The following NUMBL variants were observed in gnomAD, a reference collection of about 807,000 sequenced individuals.
NUMBL encodes the protein numb-like protein.
A neutral mutation model predicts 48.9 loss-of-function variants in NUMBL; 20 were observed. That is an observed-to-expected ratio of 0.41 (90% CI 0.29 to 0.59). NUMBL has a LOEUF of 0.59. NUMBL is among the 20% of genes least tolerant of loss of function. NUMBL has a pLI of 0.31. For missense variants in NUMBL, 660 were observed against 846.2 expected (o/e 0.78, Z 2.73); for synonymous variants, 340 against 348.7 (o/e 0.98, Z 0.28).
intron 7 of NUMBL, among the ~76,000 whole-genome samples, chr19:40,675,018 C>A (rs770490178): frequency 1.3e-5 from 2 of 151,928 alleles, no homozygotes; most frequent in Non-Finnish European, 2.9e-5. Flanking sequence ...TGGCACACGC[C>A]TGGGATTCCA....
At chr19:40,669,170 C>T (rs904512671) in intron 9 of NUMBL, among the ~76,000 whole-genome samples, 11 of 151,976 alleles carry the variant, frequency 7.2e-5, no homozygotes, top group East Asian at 1.9e-4. Context: ...GGTAATCCCA[C>T]GGCTCTAAGA....
chr19:40,674,250 C>T (rs1267840981), intron 7 of NUMBL, among the ~76,000 whole-genome samples: 2 of 152,172 alleles, frequency 1.3e-5, no homozygotes, highest in African/African-American at 2.4e-5. Flanking sequence ...GTCTGTTCCC[C>T]TCTGTCTCCC....
In NUMBL at chr19:40,667,613, CA is replaced by C; in HGVS notation, c.1684del (p.Trp562GlyfsTer23). ...QARPRPNGAP[W>X]PPEPAPAPAP... is the part of the protein sequence containing the mutation. ...TGGGGCAGGCGCTGGCTCAGGGGGC[CA>C]GGGGGCCCCATTGGGGCGAGGGCGG... On this transcript the variant is annotated frameshift_variant, in exon 10 of 10. Coordinates refer to ENST00000252891, the MANE Select transcript of NUMBL (RefSeq NM_004756.5). LOFTEE classifies it high-confidence loss of function. This position sits in a 1 kb window ranked among gnomAD's most constrained non-coding sequence, Gnocchi z 6.1. 6.4e-7 allele frequency: 1 copy of C among 1,554,592 alleles called. No homozygotes were observed. Among genetic ancestry groups the C allele is most frequent in the Non-Finnish European group, 8.7e-7 (1 of 1,149,234 alleles).
At chr19:40,668,680 G>A (rs1296970007) in intron 9 of NUMBL, among the ~76,000 whole-genome samples, 1 of 152,000 alleles carries the variant, frequency 6.6e-6, no homozygotes, top group African/African-American at 2.4e-5. Flanking sequence ...GGCTGGACTC[G>A]AACTCCTACC....
At chr19:40,669,392 T>C (rs1188621297) in intron 9 of NUMBL, among the ~76,000 whole-genome samples, 1 of 151,984 alleles carries the variant, frequency 6.6e-6, no homozygotes, top group Non-Finnish European at 1.5e-5. Flanking sequence ...AGATGATCCA[T>C]GGTTCTAGGA....
At chr19:40,672,865 G>A (rs981881434) in intron 8 of NUMBL, among the ~76,000 whole-genome samples, 11 of 152,054 alleles carry the variant, frequency 7.2e-5, no homozygotes, top group Non-Finnish European at 1.6e-4. Context: ...CCTTCACCTA[G>A]CCAGATCTCA....
At position 40,673,692 on chromosome 19, in the gene NUMBL, G is replaced by A. The variant is rs892202131; in HGVS notation, c.731-43C>T. On this transcript the variant is annotated intron_variant, in intron 7 of 9. Coordinates refer to ENST00000252891, the MANE Select transcript of NUMBL (RefSeq NM_004756.5). The surrounding 1 kb of genome is among the most constrained non-coding windows in gnomAD (Gnocchi z 5.9). Reference sequence around the variant, plus strand: ...ATGGATGGTTAGATATCTCACCATGGCATGCAAGGCCTCTCCCACCTGGTT... The same window carrying A: ...ATGGATGGTTAGATATCTCACCATGACATGCAAGGCCTCTCCCACCTGGTT... 7.0e-7 allele frequency: 1 copy of A among 1,433,700 alleles called. No individual in the cohort carries two copies. Among genetic ancestry groups the A allele is most frequent in the African/African-American group, 1.4e-5 (1 of 69,460 alleles). 88.8% of individuals were successfully genotyped at this position (1,433,700 alleles called of 1,614,324 possible).
At chr19:40,672,401 C>T (rs988749289) in intron 8 of NUMBL, among the ~76,000 whole-genome samples, 2 of 148,826 alleles carry the variant, frequency 1.3e-5, no homozygotes, top group African/African-American at 4.9e-5. Flanking sequence ...TATATCTCCT[C>T]TCTCTTACCA....
chr19:40,684,386 C>T, intron 3 of NUMBL, 31 bp downstream of exon 3: 3 of 1,536,120 alleles, frequency 2.0e-6, no homozygotes, highest in Non-Finnish European at 2.6e-6. Flanking sequence ...CCGTCCCCCT[C>T]GCCCCGCCGC....
chr19:40,684,656 C>G (rs12984927), intron 2 of NUMBL, 100 bp from the exon 3 acceptor site: 177,128 of 1,444,446 alleles, frequency 0.12, 11,709 homozygotes, highest in Middle Eastern at 0.17. Context: ...GGTCAGATAA[C>G]AAGATAACTG....
Position 40,677,343 on chromosome 19 carries a change from C to G in NUMBL, c.619G>C (p.Gly207Arg). 2.5e-6 allele frequency: 4 copies of G among 1,612,346 alleles called. No homozygotes were observed. Among genetic ancestry groups the G allele is most frequent in the Non-Finnish European group, 3.4e-6 (4 of 1,179,922 alleles). Reference sequence around the variant, plus strand: ...CTGGCATCGAAGGCGGCCGTGACCCCACATTCCTTCTCCCGTCGCTGTTTT... The same window carrying G: ...CTGGCATCGAAGGCGGCCGTGACCCGACATTCCTTCTCCCGTCGCTGTTTT... Reference protein sequence around the residue: ...ERKQRREKECGVTAAFDASRT... With the variant: ...ERKQRREKECRVTAAFDASRT... Residue 207 changes from glycine to arginine, a missense_variant, in exon 7 of 10, where the codon GGG becomes CGG. By Grantham distance (125) the Gly-to-Arg change is moderately radical. Around this residue, in one of 3 missense-constraint regions of NUMBL, gnomAD observed 278 missense variants for 420.6 expected, o/e 0.66. Coordinates refer to ENST00000252891, the MANE Select transcript of NUMBL (RefSeq NM_004756.5).
intron 3 of NUMBL, 36 bp downstream of exon 3, chr19:40,684,381 C>T: frequency 6.5e-7 from 1 of 1,534,296 alleles, no homozygotes; most frequent in Non-Finnish European, 8.7e-7. Context: ...GGCCCCCGTC[C>T]CCCTCGCCCC....
chr19:40,684,821 G>A (rs3815912), intron 2 of NUMBL: 61,431 of 436,338 alleles, frequency 0.14, 5,832 homozygotes, highest in African/African-American at 0.3. Flanking sequence ...GGTCTGGGGT[G>A]GGGGGTATGG....
At chr19:40,684,342 G>C (rs908723422) in intron 3 of NUMBL, 75 bp downstream of exon 3, 41 of 1,459,248 alleles carry the variant, frequency 2.8e-5, no homozygotes, top group Non-Finnish European at 3.6e-6. Context: ...GTCCCAGCCA[G>C]GCCGCGCACC....
At chr19:40,686,788 G>A in intron 2 of NUMBL, 123 bp downstream of exon 2, 2 of 671,574 alleles carry the variant, frequency 3.0e-6, no homozygotes, top group South Asian at 1.8e-5. Flanking sequence ...TGAGGAAGAT[G>A]CCTGAGGGTG....
rs536916726 is a variant in NUMBL at position 40,668,105 on chromosome 19, G to T, written c.1193C>A (p.Pro398His). 321 of 1,603,980 alleles carry T rather than the reference G, an allele frequency of 2.0e-4. 1 individual carries two copies. Among genetic ancestry groups the T allele is most frequent in the Non-Finnish European group, 2.2e-4 (255 of 1,175,804 alleles). The change falls in exon 10 of 10, where the codon CCT (proline) becomes CAT (histidine). Residue 398 changes from proline to histidine, a missense_variant. By Grantham distance (77) the Pro-to-His change is moderately conservative. Around this residue, in one of 3 missense-constraint regions of NUMBL, gnomAD observed 296 missense variants for 339.7 expected, o/e 0.87. Coordinates refer to ENST00000252891, the MANE Select transcript of NUMBL (RefSeq NM_004756.5). ...TSAWGEPSVP[P>H]AAAFQPGHKR... is the part of the protein sequence containing the mutation. Reference sequence around the variant, plus strand: ...GTGCCCAGGCTGGAAGGCAGCTGCAGGGGGCACGGAGGGCTCACCCCAGGC... The same window carrying T: ...GTGCCCAGGCTGGAAGGCAGCTGCATGGGGCACGGAGGGCTCACCCCAGGC...
chr19:40,684,373 C>T (rs763116835), intron 3 of NUMBL, 44 bp downstream of exon 3: 18 of 1,527,098 alleles, frequency 1.2e-5, no homozygotes, highest in East Asian at 2.5e-5. Flanking sequence ...AGCACAGCGG[C>T]CCCCGTCCCC....
chr19:40,677,217 T>C lies in NUMBL; in HGVS notation c.730+15A>G, dbSNP rs2144656756. 1 of 1,550,584 alleles carries C rather than the reference T, an allele frequency of 6.4e-7. No individual in the cohort carries two copies. Among genetic ancestry groups the C allele is most frequent in the Non-Finnish European group, 8.7e-7 (1 of 1,147,640 alleles). The stretch of plus-strand genomic sequence containing the variant: ...GCCCACTCTGTGCTCTGCTGGCGCT[T>C]GGGGCAACACCCACCTTTCTTCTTG... On this transcript the variant is annotated intron_variant, in intron 7 of 9. Transcript: ENST00000252891.
intron 5 of NUMBL, among the ~76,000 whole-genome samples, chr19:40,681,533 C>T (rs1269522469): frequency 6.6e-6 from 1 of 152,248 alleles, no homozygotes; most frequent in Admixed American, 6.5e-5. Context: ...CTGGGGGCAG[C>T]AGATTCAAGG....
Sources: gnomAD v4.1 joint callset for allele counts (sites outside exome capture counted in the v4.1 genomes callset) on GRCh38, gnomAD v4.1.1 for gene constraint, gnomAD v4.1.1 regional missense constraint, Gnocchi (gnomAD v3.1) non-coding constraint, MANE v1.5 for transcripts, NCBI Gene and HGNC (gene_info 2026-07-23, HGNC 2026-07-21) for gene names.